GPR158: variants seen among roughly 807,000 people sequenced by gnomAD.
GPR158 encodes metabotropic glycine receptor.
A neutral mutation model predicts 78.2 loss-of-function variants in GPR158; 30 were observed. The observed-to-expected ratio is 0.38, with a 90% CI of 0.29 to 0.52. The LOEUF (loss-of-function observed/expected upper bound fraction) is 0.52. GPR158 is among the 20% of genes least tolerant of loss of function. The pLI is 0.83. For synonymous variants in GPR158, 581 were observed against 591.1 expected (o/e 0.98, Z 0.25); for missense variants, 1,463 against 1,523.5 (o/e 0.96, Z 0.66).
intron 3 of GPR158, among the ~76,000 whole-genome samples, chr10:25,399,731 C>T (rs1216461580): frequency 6.6e-6 from 1 of 152,202 alleles, no homozygotes; most frequent in African/African-American, 2.4e-5. Context: ...AGCTCTGTAA[C>T]TCACCGGGGT....
At chr10:25,433,557 G>GT (rs71508735) in intron 4 of GPR158, among the ~76,000 whole-genome samples, 32,437 of 140,560 alleles carry the variant, frequency 0.23, 4,033 homozygotes, top group Non-Finnish European at 0.28. Context: ...TTGTGTGTGT[G>GT]TGTGTGTGTG....
At chr10:25,241,176 T>TCTTTCTTTCTTTC (rs1178012862) in intron 2 of GPR158, among the ~76,000 whole-genome samples, 6 of 96,456 alleles carry the variant, frequency 6.2e-5, no homozygotes, top group East Asian at 3.4e-4. Flanking sequence ...TTTCTTTCTT[T>TCTTTCTTTCTTTC]CTTTCTTTCT....
chr10:25,284,719 G>T (rs576275104), intron 2 of GPR158, among the ~76,000 whole-genome samples: 1 of 151,376 alleles, frequency 6.6e-6, no homozygotes, highest in African/African-American at 2.4e-5. Flanking sequence ...TTTTTAAAAA[G>T]TTGGGTGTTA....
intron 2 of GPR158, among the ~76,000 whole-genome samples, chr10:25,279,564 T>C (rs1196916907): frequency 6.6e-6 from 1 of 152,116 alleles, no homozygotes; most frequent in African/African-American, 2.4e-5. Context: ...TAAAGACAGT[T>C]ATTTAAATTA....
intron 6 of GPR158, among the ~76,000 whole-genome samples, chr10:25,571,240 G>T (rs1229536531): frequency 6.6e-6 from 1 of 152,134 alleles, no homozygotes; most frequent in Non-Finnish European, 1.5e-5. Context: ...ACTTGTATCT[G>T]TTACTATATT....
intron 6 of GPR158, among the ~76,000 whole-genome samples, chr10:25,569,928 TA>T (rs1238399220): frequency 2.6e-5 from 4 of 152,322 alleles, no homozygotes; most frequent in African/African-American, 7.2e-5. Flanking sequence ...TGTCACTATA[TA>T]AATGTTTGTT....
intron 2 of GPR158, among the ~76,000 whole-genome samples, chr10:25,232,950 A>T (rs1853471043): frequency 6.6e-6 from 1 of 152,220 alleles, no homozygotes; most frequent in South Asian, 2.1e-4. Context: ...AAATAAGAGT[A>T]AGGCTGGAAA....
intron 2 of GPR158, among the ~76,000 whole-genome samples, chr10:25,365,019 A>T (rs969789373): frequency 6.6e-6 from 1 of 151,804 alleles, no homozygotes; most frequent in Non-Finnish European, 1.5e-5. Flanking sequence ...ATGTAAAACT[A>T]TGTTTTCCTA....
chr10:25,182,950 C>G (rs1203164586), intron 1 of GPR158, among the ~76,000 whole-genome samples: 1 of 152,114 alleles, frequency 6.6e-6, no homozygotes, highest in African/African-American at 2.4e-5. Context: ...TGCAAATAGG[C>G]AGTTCACTAG....
chr10:25,459,245 TAAA>T (rs142353957), intron 4 of GPR158, among the ~76,000 whole-genome samples: 2 of 152,224 alleles, frequency 1.3e-5, no homozygotes, highest in African/African-American at 2.4e-5. Context: ...TAATTAAAAA[TAAA>T]AAAGTACAGC....
chr10:25,521,040 G>A (rs1164388733), intron 5 of GPR158, among the ~76,000 whole-genome samples: 5 of 152,212 alleles, frequency 3.3e-5, no homozygotes, highest in East Asian at 1.9e-4. Context: ...AGGACCCTCC[G>A]AGCCAGGTGT....
rs148810926 is a variant in GPR158 at position 25,203,314 on chromosome 10, G to A, written c.903-17738G>A. Among the ~76,000 whole-genome samples, 1,279 of 152,158 alleles carry A rather than the reference G, an allele frequency of 8.4e-3. 14 individuals carry two copies. The highest frequency in any genetic ancestry group is 0.022 in the African/African-American group (900 of 41,538). ...TGCTATTGCTTTTGGTGTTTTAGTC[G>A]TGAAGTCCTTGCCCATGCCTATTTC... On this transcript the variant is annotated intron_variant, in intron 1 of 10. Transcript: ENST00000376351.
At chr10:25,291,306 A>G (rs1368851439) in intron 2 of GPR158, among the ~76,000 whole-genome samples, 1 of 152,094 alleles carries the variant, frequency 6.6e-6, no homozygotes, top group East Asian at 1.9e-4. Flanking sequence ...CGGGCCATAG[A>G]TTTATCTTTG....
chr10:25,436,477 G>A (rs1258688407), intron 4 of GPR158, among the ~76,000 whole-genome samples: 1 of 152,208 alleles, frequency 6.6e-6, no homozygotes, highest in African/African-American at 2.4e-5. Context: ...AGAAAACAAG[G>A]AAAATGCCCA....
At position 25,177,642 on chromosome 10, in the gene GPR158, GC is replaced by G. The variant is rs766447485; in HGVS notation, c.902+1322del. On this transcript the variant is annotated intron_variant, in intron 1 of 10. Coordinates refer to ENST00000376351, the MANE Select transcript of GPR158 (RefSeq NM_020752.3). Reference sequence around the variant, plus strand: ...CAACCAAGTTGCTTAACCTCTCTGGGCCTCAGCTACTTATCTGTCCAGTGAG... The same window carrying G: ...CAACCAAGTTGCTTAACCTCTCTGGGCTCAGCTACTTATCTGTCCAGTGAG... Among the ~76,000 whole-genome samples the G allele has an allele frequency of 7.9e-4, 121 of 152,272 alleles. 1 individual carries two copies. The highest frequency in any genetic ancestry group is 6.2e-3 in the South Asian group (30 of 4,822).
intron 4 of GPR158, among the ~76,000 whole-genome samples, chr10:25,432,189 G>A (rs577826202): frequency 4.2e-4 from 64 of 152,112 alleles, no homozygotes; most frequent in Admixed American, 1.3e-3. Flanking sequence ...ATAGAAAAAC[G>A]GGCTAAGAGT....
intron 2 of GPR158, among the ~76,000 whole-genome samples, chr10:25,329,699 C>G (rs1855091284): frequency 6.6e-6 from 1 of 151,374 alleles, no homozygotes; most frequent in Non-Finnish European, 1.5e-5. Context: ...CTCTACAATG[C>G]TTGGGGGCTA....
rs77489840 is a variant in GPR158, at chr10:25,184,110, A to G, written c.902+7788A>G. On this transcript the variant is annotated intron_variant, in intron 1 of 10. Coordinates refer to ENST00000376351, the MANE Select transcript of GPR158 (RefSeq NM_020752.3). ...AGGGTCTCTTCAACGACAAAGTTCT[A>G]TTATCATCTATAAATTACCAACTTG... Among the ~76,000 whole-genome samples the G allele has an allele frequency of 1.7e-4, 26 of 152,356 alleles. No individual in the cohort carries two copies. In the East Asian group the frequency reaches 4.8e-3, roughly 28 times the overall value.
rs545374425 is a variant in GPR158, at chr10:25,592,228, A to C, written c.1893-2064A>C. ...AAATTAAAAACTATGACTATACATTATATACAGATTTACCTTTATTCATAC... is the reference window on the plus strand; with the variant it reads ...AAATTAAAAACTATGACTATACATTCTATACAGATTTACCTTTATTCATAC... On this transcript the variant is annotated intron_variant, in intron 8 of 10. Transcript: ENST00000376351. 2.0e-5 allele frequency among the ~76,000 whole-genome samples: 3 copies of C among 152,148 alleles called. No individual in the cohort carries two copies. In the East Asian group the frequency reaches 5.8e-4, roughly 29 times the overall value.
Sources: gnomAD v4.1 joint callset for allele counts (sites outside exome capture counted in the v4.1 genomes callset) on GRCh38, gnomAD v4.1.1 for gene constraint, MANE v1.5 for transcripts, NCBI Gene and HGNC (gene_info 2026-07-23, HGNC 2026-07-21) for gene names.